DZIP1: variants seen among roughly 807,000 people sequenced by gnomAD.
The protein encoded by DZIP1 is cilium assembly protein DZIP1.
A neutral mutation model predicts 107.6 loss-of-function variants in DZIP1; 97 were observed. The observed-to-expected ratio is 0.90, with a 90% CI of 0.77 to 1.07. DZIP1 has a LOEUF of 1.07. Ranked by LOEUF, DZIP1 falls within the 50% of genes least tolerant of loss-of-function variation. The pLI is 0.00. For missense variants in DZIP1, 1,035 were observed against 1,063.6 expected (o/e 0.97, Z 0.37); for synonymous variants, 390 against 386.4 (o/e 1.01, Z -0.11).
Position 95,599,370 on chromosome 13 carries a change from T to C in DZIP1, c.1532A>G (p.Glu511Gly). ...CTGATCAAGCCCTTTGTTACCTTTT[T>C]CTTCCTCTGAAAGTTCTTCTATTGG... ...LEPIEELSEE[E>G]KGRENEQKLN... is the part of the protein sequence containing the mutation. Residue 511 changes from glutamate to glycine, a missense_variant, in exon 15 of 23, where the codon GAA becomes GGA. Coordinates refer to ENST00000376829, the MANE Select transcript of DZIP1 (RefSeq NM_198968.4). 6.2e-7 allele frequency: 1 copy of C among 1,613,696 alleles called. No homozygotes were observed. Among genetic ancestry groups the C allele is most frequent in the South Asian group, 1.1e-5 (1 of 91,066 alleles).
chr13:95,615,751 G>GT (rs1224803888), intron 10 of DZIP1, among the ~76,000 whole-genome samples: 2 of 152,220 alleles, frequency 1.3e-5, no homozygotes, highest in African/African-American at 4.8e-5. Context: ...CAGCAGTGTA[G>GT]TATGCCCTGG....
chr13:95,616,263 G>C (rs4536336), intron 10 of DZIP1, among the ~76,000 whole-genome samples: 137,535 of 152,254 alleles, frequency 0.9, 62,224 homozygotes, highest in African/African-American at 0.92. Flanking sequence ...GGGTGGAAAC[G>C]TGGACTAGTG....
chr13:95,580,009 C>T lies in DZIP1; in HGVS notation c.*2225G>A, dbSNP rs2043991594. On this transcript the variant is annotated 3_prime_UTR_variant, in exon 23 of 23. Coordinates refer to ENST00000376829, the MANE Select transcript of DZIP1 (RefSeq NM_198968.4). ...AGGGGCAACATAAAGGAATGGTTCC[C>T]CTCAAAAACGAACAAACCAAATTTT... 1 of 152,168 alleles carries T rather than the reference C, an allele frequency of 6.6e-6. No individual in the cohort carries two copies. The highest frequency in any genetic ancestry group is 2.4e-5 in the African/African-American group (1 of 41,520). 9.4% of individuals were successfully genotyped at this position (152,168 alleles called of 1,614,324 possible). A position where few individuals can be genotyped will look rare whatever the true frequency, so the allele number is the denominator to read the frequency against.
At chr13:95,596,889 G>C (rs950663943) in intron 15 of DZIP1, among the ~76,000 whole-genome samples, 10 of 152,320 alleles carry the variant, frequency 6.6e-5, no homozygotes, top group Admixed American at 2.0e-4. Context: ...TTTATTGATG[G>C]CAATTAATCT....
intron 10 of DZIP1, among the ~76,000 whole-genome samples, chr13:95,617,567 G>A (rs558682268): frequency 6.6e-6 from 1 of 152,330 alleles, no homozygotes; most frequent in African/African-American, 2.4e-5. Context: ...AGGTAGCCAT[G>A]TGAAGAGCAA....
intron 6 of DZIP1, among the ~76,000 whole-genome samples, chr13:95,631,741 C>T (rs1877220301): frequency 6.6e-6 from 1 of 152,152 alleles, no homozygotes; most frequent in Non-Finnish European, 1.5e-5. Flanking sequence ...CCCTGGGTCT[C>T]ACATTTCTGT....
chr13:95,639,994 A>ATT (rs1370217884), intron 5 of DZIP1, among the ~76,000 whole-genome samples: 3 of 123,666 alleles, frequency 2.4e-5, no homozygotes, highest in Non-Finnish European at 3.6e-5. Context: ...TTTTATTTTT[A>ATT]TTTATTTTTT....
At chr13:95,614,762 A>G (rs983699948) in intron 10 of DZIP1, among the ~76,000 whole-genome samples, 5 of 152,012 alleles carry the variant, frequency 3.3e-5, no homozygotes, top group African/African-American at 1.2e-4. Flanking sequence ...AGCTCTCAAG[A>G]GTCTTCTGTT....
At position 95,611,497 on chromosome 13, in the gene DZIP1, C is replaced by T; in HGVS notation, c.1315-4G>A. 1 of 1,605,592 alleles carries T rather than the reference C, an allele frequency of 6.2e-7. No individual in the cohort carries two copies. The highest frequency in any genetic ancestry group is 8.5e-7 in the Non-Finnish European group (1 of 1,172,440). ...GATTACAGGTAAAGTCTTTAATCTG[C>T]AAAGAAATACAGTCTTCTAGTGATA... On this transcript the variant is annotated splice_polypyrimidine_tract_variant and splice_region_variant and intron_variant, in intron 11 of 22. Transcript: ENST00000376829.
chr13:95,618,637 C>T (rs1270260354), intron 10 of DZIP1, among the ~76,000 whole-genome samples: 2 of 152,110 alleles, frequency 1.3e-5, no homozygotes, highest in East Asian at 1.9e-4. Context: ...TTTCTCTCCC[C>T]GTCTTCCTCA....
chr13:95,620,659 A>C (rs760565428), intron 9 of DZIP1, among the ~76,000 whole-genome samples: 4 of 152,204 alleles, frequency 2.6e-5, no homozygotes, highest in Non-Finnish European at 5.9e-5. Flanking sequence ...TAAATGAACT[A>C]GCACTCATAA....
chr13:95,588,481 A>G (rs2044223672), intron 19 of DZIP1, among the ~76,000 whole-genome samples: 1 of 152,242 alleles, frequency 6.6e-6, no homozygotes, highest in Non-Finnish European at 1.5e-5. Flanking sequence ...ATTAGTAACA[A>G]TATACCTACA....
chr13:95,596,840 C>T (rs529890238), intron 15 of DZIP1, among the ~76,000 whole-genome samples: 2 of 152,328 alleles, frequency 1.3e-5, no homozygotes, highest in South Asian at 4.1e-4. Flanking sequence ...TTGAGCTTCT[C>T]AGGCACTTAT....
chr13:95,589,489 G>A (rs923266080), intron 18 of DZIP1, among the ~76,000 whole-genome samples: 1 of 152,196 alleles, frequency 6.6e-6, no homozygotes, highest in African/African-American at 2.4e-5. Flanking sequence ...GCCTTTGGGA[G>A]GTGATTAAGT....
At chr13:95,640,991 A>G (rs1011599561) in intron 5 of DZIP1, among the ~76,000 whole-genome samples, 12 of 152,200 alleles carry the variant, frequency 7.9e-5, no homozygotes, top group Non-Finnish European at 1.3e-4. Context: ...CAATTTGTAT[A>G]TGGTTTTTTC....
chr13:95,621,665 A>AGTGTGTGTGTGTGT lies in DZIP1; in HGVS notation c.1110+664_1110+677dup, dbSNP rs3051402. Among the ~76,000 whole-genome samples, 127 of 123,412 alleles carry AGTGTGTGTGTGTGT rather than the reference A, an allele frequency of 1.0e-3. 1 individual carries two copies. The highest frequency in any genetic ancestry group is 1.5e-3 in the African/African-American group (49 of 33,740). The allele number at this position is 123,412 out of a possible 152,430, so 81.0% of individuals were successfully genotyped here. A position where few individuals can be genotyped will look rare whatever the true frequency, so the allele number is the denominator to read the frequency against. The stretch of plus-strand genomic sequence containing the variant: ...ACAGATCATCAGCTGACCAGTTAGC[A>AGTGTGTGTGTGTGT]GTGTGTGTGTGTGTGTGTGTGTGTG... On this transcript the variant is annotated intron_variant, in intron 9 of 22. Coordinates refer to ENST00000376829, the MANE Select transcript of DZIP1 (RefSeq NM_198968.4).
At chr13:95,633,179 CA>C (rs1325451294) in intron 6 of DZIP1, 54 bp downstream of exon 6, 16 of 1,533,476 alleles carry the variant, frequency 1.0e-5, no homozygotes, top group Non-Finnish European at 1.4e-5. Flanking sequence ...GTCTCATTGC[CA>C]AAAGAAAAAG....
rs1594750802 is a variant in DZIP1 at position 95,641,893 on chromosome 13, G to A, written c.37-38C>T. On this transcript the variant is annotated intron_variant, in intron 4 of 22. Coordinates refer to ENST00000376829, the MANE Select transcript of DZIP1 (RefSeq NM_198968.4). This position sits in a 1 kb window ranked among gnomAD's most constrained non-coding sequence, Gnocchi z 4.3. ...CAAAGAGAGCGCGGCGGGAGGCGGG[G>A]ATGGGGGGCGGGCAGGCTGGGGAGC... is the stretch of plus-strand genomic sequence containing the variant. 3 of 1,115,834 alleles carry A rather than the reference G, an allele frequency of 2.7e-6. No homozygotes were observed. Among genetic ancestry groups the A allele is most frequent in the South Asian group, 1.6e-5 (1 of 62,756 alleles). The allele number at this position is 1,115,834 out of a possible 1,614,324, so 69.1% of individuals were successfully genotyped here.
In DZIP1 at chr13:95,641,212, G is replaced by T; in HGVS notation, c.597+83C>A. The T allele has an allele frequency of 6.7e-7, 1 of 1,491,800 alleles. No individual in the cohort carries two copies. Among genetic ancestry groups the T allele is most frequent in the Non-Finnish European group, 9.0e-7 (1 of 1,114,572 alleles). 92.4% of individuals were successfully genotyped at this position (1,491,800 alleles called of 1,614,324 possible). Reference sequence around the variant, plus strand: ...TACAATATAAATCTTTAAGAAGAAAGAGTGGTGATACGGGACAGGCCTATC... The same window carrying T: ...TACAATATAAATCTTTAAGAAGAAATAGTGGTGATACGGGACAGGCCTATC... On this transcript the variant is annotated intron_variant, in intron 5 of 22. Coordinates refer to ENST00000376829, the MANE Select transcript of DZIP1 (RefSeq NM_198968.4). The surrounding 1 kb of genome is among the most constrained non-coding windows in gnomAD (Gnocchi z 4.3).
Sources: gnomAD v4.1 joint callset for allele counts (sites outside exome capture counted in the v4.1 genomes callset) on GRCh38, gnomAD v4.1.1 for gene constraint, Gnocchi (gnomAD v3.1) non-coding constraint, MANE v1.5 for transcripts, NCBI Gene and HGNC (gene_info 2026-07-23, HGNC 2026-07-21) for gene names.